Variants in LCP1 observed in about 807,000 individuals in gnomAD.
The protein encoded by LCP1 is lymphocyte cytosolic protein 1, also known as plastin-2.
A neutral mutation model predicts 72.0 loss-of-function variants in LCP1; 23 were observed. The observed-to-expected ratio is 0.32, with a 90% CI of 0.23 to 0.45. The LOEUF (loss-of-function observed/expected upper bound fraction) is 0.45, where lower values mean the gene tolerates loss of function less well. Ranked by LOEUF, LCP1 falls within the 20% of genes least tolerant of loss-of-function variation. LCP1 has a pLI of 1.00. For missense variants in LCP1, 571 were observed against 748.3 expected, an observed-to-expected ratio of 0.76 and a Z score of 2.76; for synonymous variants, 245 against 275.4, an observed-to-expected ratio of 0.89 and a Z score of 1.09.
rs77416145 is a variant in LCP1 at position 46,176,416 on chromosome 13, G to T, written c.-25+5695C>A. 1.0e-2 allele frequency among the ~76,000 whole-genome samples: 1,522 copies of T among 152,264 alleles called. 23 individuals are homozygous for T. The highest frequency in any genetic ancestry group is 0.034 in the African/African-American group (1,418 of 41,546). On this transcript the variant is annotated intron_variant, in intron 1 of 15. Transcript: ENST00000323076. ...GCACACACATCTATTATAATCTCAT[G>T]AATTATTATAAAAGGTTTTTATGGA... is the stretch of plus-strand genomic sequence containing the variant.
Position 46,126,764 on chromosome 13 carries a change from T to G in LCP1, c.*827A>C, listed in dbSNP as rs999807716. 2 of 231,180 alleles carry G rather than the reference T, an allele frequency of 8.7e-6. No homozygotes were observed. The highest frequency in any genetic ancestry group is 1.2e-4 in the East Asian group (2 of 16,296). The allele number at this position is 231,180 out of a possible 1,614,324, so 14.3% of individuals were successfully genotyped here. ...GCCGCCGAGTGGCTTGATGCTCCAT[T>G]ACACCCTCCTTGGATCCAACCTTCC... On this transcript the variant is annotated 3_prime_UTR_variant, in exon 16 of 16. Coordinates refer to ENST00000323076, the MANE Select transcript of LCP1 (RefSeq NM_002298.5).
At chr13:46,164,465 G>C (rs991003890) in intron 1 of LCP1, among the ~76,000 whole-genome samples, 4 of 152,168 alleles carry the variant, frequency 2.6e-5, no homozygotes, top group Admixed American at 1.3e-4. Context: ...TTGAGCATCT[G>C]TAACAATATT....
intron 1 of LCP1, chr13:46,169,468 C>T (rs554891918): frequency 1.2e-4 from 18 of 152,382 alleles, no homozygotes; most frequent in African/African-American, 3.6e-4. Flanking sequence ...AGAGACAGAT[C>T]TCACTATGTT....
intron 13 of LCP1, among the ~76,000 whole-genome samples, chr13:46,138,339 A>G (rs1980831): frequency 0.29 from 43,435 of 152,098 alleles, 7,248 homozygotes; most frequent in African/African-American, 0.45. Context: ...CTTTTAATAT[A>G]TAGCATGCAG....
Position 46,152,884 on chromosome 13 carries a change from C to G in LCP1, c.635G>C (p.Gly212Ala), listed in dbSNP as rs757065846. 6.2e-7 allele frequency: 1 copy of G among 1,614,070 alleles called. No individual in the cohort carries two copies. Among genetic ancestry groups the G allele is most frequent in the Non-Finnish European group, 8.5e-7 (1 of 1,180,000 alleles). The stretch of plus-strand genomic sequence containing the variant: ...CTTCCCCTCCTTCAGGTCCTCAGCC[C>G]CTATGTTGACCACATGGCACCCGAT... ...SAIGCHVVNI[G>A]AEDLKEGKPY... Residue 212 changes from glycine to alanine, a missense_variant, in exon 7 of 16, where the codon GGG (glycine) becomes GCG (alanine). Gly to Ala is a moderately conservative substitution (Grantham distance 60, BLOSUM62 0). Transcript: ENST00000323076.
At position 46,144,366 on chromosome 13, in the gene LCP1, C is replaced by A. The variant is rs573050252; in HGVS notation, c.1253+76G>T. 1.9e-5 allele frequency: 21 copies of A among 1,122,222 alleles called. No individual in the cohort carries two copies. In the African/African-American group the frequency reaches 2.2e-4, roughly 12 times the overall value. The allele number at this position is 1,122,222 out of a possible 1,614,324, so 69.5% of individuals were successfully genotyped here. On this transcript the variant is annotated intron_variant, in intron 11 of 15. Coordinates refer to ENST00000323076, the MANE Select transcript of LCP1 (RefSeq NM_002298.5). ...CACATTTTGTGAAGAGAATGCACAT[C>A]ATAGTGGTATTTGGAATCCTATGGC...
At chr13:46,149,360 C>T (rs1324882527) in intron 8 of LCP1, among the ~76,000 whole-genome samples, 1 of 152,128 alleles carries the variant, frequency 6.6e-6, no homozygotes, top group Non-Finnish European at 1.5e-5. Context: ...CTTCATCTCC[C>T]TTCTATCTAC....
At chr13:46,135,798 A>T (rs902115033) in intron 13 of LCP1, among the ~76,000 whole-genome samples, 5 of 143,400 alleles carry the variant, frequency 3.5e-5, no homozygotes, top group African/African-American at 5.2e-5. Context: ...CCCATGGCCC[A>T]GGCTGGAGTG....
intron 4 of LCP1, 142 bp downstream of exon 4, chr13:46,158,380 T>C: frequency 2.5e-6 from 2 of 809,574 alleles, no homozygotes; most frequent in Admixed American, 2.8e-5. Context: ...TACCCAGAAC[T>C]GACCCACTTA....
At chr13:46,169,159 C>T (rs2138277712) in intron 1 of LCP1, among the ~76,000 whole-genome samples, 2 of 152,300 alleles carry the variant, frequency 1.3e-5, no homozygotes, top group Middle Eastern at 6.8e-3. Flanking sequence ...TCTCTTCTTT[C>T]CTCTTTAATA....
At chr13:46,163,113 G>C (rs373976301) in intron 1 of LCP1, among the ~76,000 whole-genome samples, 2 of 152,036 alleles carry the variant, frequency 1.3e-5, no homozygotes, top group African/African-American at 4.8e-5. Context: ...CCCTCTGCCC[G>C]GCCGCCACCC....
chr13:46,180,922 G>A (rs958902076), intron 1 of LCP1, among the ~76,000 whole-genome samples: 2 of 152,134 alleles, frequency 1.3e-5, no homozygotes, highest in African/African-American at 4.8e-5. Context: ...AACTATTCAG[G>A]TGAGATGTGC....
intron 4 of LCP1, 97 bp from the exon 5 acceptor site, chr13:46,156,667 A>C: frequency 7.6e-7 from 1 of 1,310,440 alleles, no homozygotes; most frequent in Non-Finnish European, 1.1e-6. Context: ...CCCAGCAGAG[A>C]GATGTGAGTT....
chr13:46,163,608 C>G (rs552083420), intron 1 of LCP1, among the ~76,000 whole-genome samples: 2 of 141,616 alleles, frequency 1.4e-5, no homozygotes, highest in Non-Finnish European at 3.0e-5. Flanking sequence ...TCCCCCTCTG[C>G]GAGAAACACC....
rs560825367 is a variant in LCP1, at chr13:46,167,917, C to T, written c.-24-8231G>A. Reference sequence around the variant, plus strand: ...GTTAATGCAATGAAAAGAGTTCTGACGATCAAAAACGAACAAGTGAAAAGG... The same window carrying T: ...GTTAATGCAATGAAAAGAGTTCTGATGATCAAAAACGAACAAGTGAAAAGG... On this transcript the variant is annotated intron_variant, in intron 1 of 15. Transcript: ENST00000323076. Among the ~76,000 whole-genome samples the T allele has an allele frequency of 9.9e-5, 15 of 152,016 alleles. 2 individuals carry two copies. The South Asian group carries it at 2.1e-3, about 21-fold the overall frequency.
intron 8 of LCP1, chr13:46,148,912 G>T: frequency 3.5e-6 from 1 of 284,562 alleles, no homozygotes; most frequent in Non-Finnish European, 5.3e-6. Context: ...AGATGTCAAA[G>T]ACAGAAGATT....
intron 1 of LCP1, among the ~76,000 whole-genome samples, chr13:46,175,465 C>T (rs1389889971): frequency 6.6e-6 from 1 of 152,150 alleles, no homozygotes; most frequent in Admixed American, 6.5e-5. Context: ...TTTCTTTATA[C>T]CACATTTGCC....
At chr13:46,162,331 G>A (rs908034555) in intron 1 of LCP1, among the ~76,000 whole-genome samples, 6 of 133,962 alleles carry the variant, frequency 4.5e-5, no homozygotes, top group African/African-American at 8.6e-5. Flanking sequence ...CTCTTTCCAC[G>A]TTCTCCCTCT....
chr13:46,130,513 C>T (rs1220888891), intron 15 of LCP1, among the ~76,000 whole-genome samples: 1 of 152,038 alleles, frequency 6.6e-6, no homozygotes, highest in African/African-American at 2.4e-5. Flanking sequence ...ATGAATGGAG[C>T]ATTTGGTTAG....
Sources: allele counts gnomAD v4.1 joint callset (sites outside exome capture counted in the v4.1 genomes callset), GRCh38; gene constraint gnomAD v4.1.1; transcripts MANE v1.5; gene names NCBI Gene and HGNC (gene_info 2026-07-23, HGNC 2026-07-21).